The following SCOC variants were observed in gnomAD, a reference collection of about 807,000 sequenced individuals.
SCOC encodes the protein short coiled-coil protein, also known as short coiled coil protein.
SCOC carries 7 observed loss-of-function variants against 9.9 expected under a neutral mutation model. The ratio of observed to expected loss-of-function variants is 0.71; its 90% CI spans 0.40 to 1.33. The LOEUF is 1.33. Ranked by LOEUF, SCOC falls within the 40% of genes most tolerant of loss-of-function variation. The pLI, the probability that SCOC is intolerant of heterozygous loss-of-function variation, is 0.01. For synonymous variants in SCOC, 19 were observed against 28.2 expected, an observed-to-expected ratio of 0.67 and a Z score of 1.03; for missense variants, 66 against 89.7, an observed-to-expected ratio of 0.74 and a Z score of 1.07.
At chr4:140,275,351 G>A (rs960163240) in intron 1 of SCOC, among the ~76,000 whole-genome samples, 1 of 152,224 alleles carries the variant, frequency 6.6e-6, no homozygotes, top group Non-Finnish European at 1.5e-5. Flanking sequence ...GCTGCAGCCA[G>A]CTAGTCACAT....
At chr4:140,273,408 T>C (rs915373910) in intron 1 of SCOC, among the ~76,000 whole-genome samples, 3 of 152,238 alleles carry the variant, frequency 2.0e-5, no homozygotes, top group African/African-American at 7.2e-5. Context: ...ACATCTTCTT[T>C]GGAAAGATAT....
chr4:140,370,641 T>A (rs1440787701), upstream of SCOC, among the ~76,000 whole-genome samples: 1 of 152,218 alleles, frequency 6.6e-6, no homozygotes, highest in Non-Finnish European at 1.5e-5. Context: ...CAGGGAGTAA[T>A]GAACTGTTTG....
chr4:140,270,977 G>C (rs1319948236), intron 1 of SCOC, among the ~76,000 whole-genome samples: 1 of 152,164 alleles, frequency 6.6e-6, no homozygotes, highest in East Asian at 1.9e-4. Context: ...CCCAAACCAT[G>C]CTCTTACCAA....
At chr4:140,306,044 C>G (rs1192323545) in intron 1 of SCOC, among the ~76,000 whole-genome samples, 1 of 152,168 alleles carries the variant, frequency 6.6e-6, no homozygotes, top group African/African-American at 2.4e-5. Flanking sequence ...CTGTATTAGT[C>G]TGTACTCATG....
rs1728614721 is a variant in SCOC, at chr4:140,382,864, A to C, written c.*1760A>C. ...AAGAGACCCAGTGATAAAGAATATA[A>C]ATATAGAAGTTTCTCTCCCAACCAG... On this transcript the variant is annotated 3_prime_UTR_variant, in exon 4 of 4. Coordinates refer to ENST00000608372, the MANE Select transcript of SCOC (RefSeq NM_001153484.2). 1.3e-5 allele frequency: 2 copies of C among 152,230 alleles called. No homozygotes were observed. Among genetic ancestry groups the C allele is most frequent in the African/African-American group, 4.8e-5 (2 of 41,460 alleles). The allele number at this position is 152,230 out of a possible 1,614,324, so 9.4% of individuals were successfully genotyped here. A position where few individuals can be genotyped will look rare whatever the true frequency, so the allele number is the denominator to read the frequency against.
intron 1 of SCOC, among the ~76,000 whole-genome samples, chr4:140,261,692 T>C (rs1324880107): frequency 6.6e-6 from 1 of 152,116 alleles, no homozygotes; most frequent in Non-Finnish European, 1.5e-5. Context: ...AGTTACAAAG[T>C]AGAATATAAG....
In SCOC at chr4:140,267,690, A is replaced by T. The variant is rs113317495; in HGVS notation, c.-19+10280A>T. Among the ~76,000 whole-genome samples the T allele has an allele frequency of 1.5e-4, 22 of 151,392 alleles. 1 individual carries two copies. The highest frequency in any genetic ancestry group is 5.3e-4 in the African/African-American group (22 of 41,238). On this transcript the variant is annotated intron_variant, in intron 1 of 4. Coordinates refer to the SCOC transcript ENST00000394205. The stretch of plus-strand genomic sequence containing the variant: ...CCAGCCTCCACCCAGTGACGTGGAG[A>T]CTCCGCGAGGCACCCTGAGCTCCGG...
chr4:140,374,192 C>G (rs1347847619), intron 1 of SCOC: 1 of 457,172 alleles, frequency 2.2e-6, no homozygotes, highest in Non-Finnish European at 4.4e-6. Flanking sequence ...AGGATTGGAC[C>G]ATTTTTCCAG....
intron 1 of SCOC, 136 bp from the exon 2 acceptor site, chr4:140,378,985 A>G (rs1728458555): frequency 1.6e-6 from 1 of 616,796 alleles, no homozygotes; most frequent in African/African-American, 1.8e-5. Context: ...TTTACCCATT[A>G]GGCATTTATT....
At chr4:140,344,947 G>A (rs192461386) in intron 2 of SCOC, among the ~76,000 whole-genome samples, 41 of 152,268 alleles carry the variant, frequency 2.7e-4, no homozygotes, top group Middle Eastern at 3.4e-3. Flanking sequence ...GGGACTGTTG[G>A]TGGTGCCAGG....
intron 2 of SCOC, among the ~76,000 whole-genome samples, chr4:140,357,855 T>C (rs1727294481): frequency 1.8e-5 from 1 of 56,064 alleles, no homozygotes; most frequent in African/African-American, 7.2e-5. Context: ...TAATTCGTTA[T>C]ACCCCACATC....
At chr4:140,263,823 G>C (rs372731185) in intron 1 of SCOC, among the ~76,000 whole-genome samples, 8 of 152,294 alleles carry the variant, frequency 5.3e-5, no homozygotes, top group African/African-American at 1.7e-4. Flanking sequence ...TCAGGAGCCT[G>C]TGGAAACCGT....
chr4:140,382,033 C>G lies in SCOC; in HGVS notation c.*929C>G, dbSNP rs1728589310. 1 of 152,122 alleles carries G rather than the reference C, an allele frequency of 6.6e-6. No individual in the cohort carries two copies. The highest frequency in any genetic ancestry group is 6.6e-5 in the Admixed American group (1 of 15,264). The allele number at this position is 152,122 out of a possible 1,614,324, so 9.4% of individuals were successfully genotyped here. A position where few individuals can be genotyped will look rare whatever the true frequency, so the allele number is the denominator to read the frequency against. ...TTGACTACCCTTATGTTAGCCACAT[C>G]TGGATGAGAACAGTTACAAAGAGTT... On this transcript the variant is annotated 3_prime_UTR_variant, in exon 4 of 4. Coordinates refer to ENST00000608372, the MANE Select transcript of SCOC (RefSeq NM_001153484.2).
chr4:140,340,884 C>T (rs74644232), upstream of SCOC, among the ~76,000 whole-genome samples: 28,983 of 149,316 alleles, frequency 0.19, 3,688 homozygotes, highest in African/African-American at 0.35. Flanking sequence ...CTCCACCTCC[C>T]GGGTTCAAGC....
intron 1 of SCOC, among the ~76,000 whole-genome samples, chr4:140,336,958 T>A (rs964103106): frequency 3.9e-5 from 6 of 152,228 alleles, no homozygotes; most frequent in Non-Finnish European, 5.9e-5. Context: ...GGTAGCTTAT[T>A]GTGGTTTTGA....
At chr4:140,358,432 C>G (rs966688226) in intron 2 of SCOC, among the ~76,000 whole-genome samples, 1 of 152,154 alleles carries the variant, frequency 6.6e-6, no homozygotes, top group African/African-American at 2.4e-5. Flanking sequence ...GTTGAAGTCC[C>G]TGCAATCAAA....
intron 1 of SCOC, among the ~76,000 whole-genome samples, chr4:140,276,012 T>A (rs1419505047): frequency 6.6e-6 from 1 of 151,576 alleles, no homozygotes; most frequent in Non-Finnish European, 1.5e-5. Flanking sequence ...TTGTTGTTGT[T>A]GTTGTTGTTG....
chr4:140,299,451 TG>T (rs1731751255), intron 1 of SCOC, among the ~76,000 whole-genome samples: 1 of 152,222 alleles, frequency 6.6e-6, no homozygotes, highest in Admixed American at 6.5e-5. Context: ...TTTAAAGAAT[TG>T]GGACTGTTCA....
intron 1 of SCOC, among the ~76,000 whole-genome samples, chr4:140,312,080 A>G (rs1011266563): frequency 1.3e-5 from 2 of 152,326 alleles, no homozygotes; most frequent in South Asian, 4.1e-4. Context: ...AATTAGAAAT[A>G]CGACTTCTAT....
Sources: gnomAD v4.1 joint callset for allele counts (sites outside exome capture counted in the v4.1 genomes callset) on GRCh38, gnomAD v4.1.1 for gene constraint, MANE v1.5 for transcripts, NCBI Gene and HGNC (gene_info 2026-07-23, HGNC 2026-07-21) for gene names.